The following ROBO2 variants were observed in gnomAD, a reference collection of about 807,000 sequenced individuals.
ROBO2 encodes roundabout homolog 2.
In ROBO2, 53 loss-of-function variants were observed where a neutral mutation model predicts 160.8. That is an observed-to-expected ratio of 0.33 (90% CI 0.26 to 0.41). The LOEUF (loss-of-function observed/expected upper bound fraction) is 0.41, where lower values mean the gene tolerates loss of function less well. ROBO2 is among the 10% of genes least tolerant of loss of function. The pLI is 1.00. For missense variants in ROBO2, 1,577 were observed against 1,722.4 expected, an observed-to-expected ratio of 0.92 and a Z score of 1.49; for synonymous variants, 664 against 611.7, an observed-to-expected ratio of 1.09 and a Z score of -1.26.
intron 2 of ROBO2, among the ~76,000 whole-genome samples, chr3:77,442,672 C>G (rs1191516717): frequency 6.6e-6 from 1 of 151,990 alleles, no homozygotes; most frequent in Non-Finnish European, 1.5e-5. Flanking sequence ...GTGCACTTAC[C>G]CCACATATGA....
At chr3:77,228,180 T>C (rs1485626359) in intron 2 of ROBO2, among the ~76,000 whole-genome samples, 1 of 152,132 alleles carries the variant, frequency 6.6e-6, no homozygotes, top group African/African-American at 2.4e-5. Flanking sequence ...TTTGTTTCTT[T>C]TTTTGAGACA....
At chr3:76,178,319 G>A (rs1239417439) in intron 2 of ROBO2, among the ~76,000 whole-genome samples, 1 of 151,984 alleles carries the variant, frequency 6.6e-6, no homozygotes, top group African/African-American at 2.4e-5. Flanking sequence ...AATGCTATAG[G>A]ATAGTGAATT....
At chr3:76,833,953 T>C (rs1487304378) in intron 2 of ROBO2, among the ~76,000 whole-genome samples, 1 of 151,774 alleles carries the variant, frequency 6.6e-6, no homozygotes, top group Admixed American at 6.6e-5. Context: ...TTTTTTCTTT[T>C]CTTCCTTCCT....
intron 2 of ROBO2, among the ~76,000 whole-genome samples, chr3:76,283,153 A>AT (rs1559717396): frequency 1.7e-4 from 2 of 12,078 alleles, no homozygotes; most frequent in African/African-American, 2.4e-4. Context: ...TATATATATA[A>AT]AACTACATAT....
At chr3:77,633,942 A>G (rs938267736) in intron 23 of ROBO2, 6 of 152,232 alleles carry the variant, frequency 3.9e-5, no homozygotes, top group Non-Finnish European at 8.8e-5. Flanking sequence ...CTAACACAGC[A>G]TTAAGTAATA....
chr3:76,666,408 A>G (rs910928138), intron 2 of ROBO2, among the ~76,000 whole-genome samples: 1 of 152,112 alleles, frequency 6.6e-6, no homozygotes, highest in Non-Finnish European at 1.5e-5. Flanking sequence ...ACTTATTTCA[A>G]GTATAACTTG....
At chr3:77,170,780 C>T (rs2079558785) in intron 2 of ROBO2, among the ~76,000 whole-genome samples, 1 of 151,920 alleles carries the variant, frequency 6.6e-6, no homozygotes, top group Admixed American at 6.6e-5. Context: ...ATATTAATGA[C>T]ATTAAAAATA....
At chr3:76,774,979 T>C (rs925128226) in intron 2 of ROBO2, among the ~76,000 whole-genome samples, 1 of 150,652 alleles carries the variant, frequency 6.6e-6, no homozygotes, top group African/African-American at 2.4e-5. Flanking sequence ...TTGGATTTGC[T>C]TTGGTCTAGC....
intron 2 of ROBO2, among the ~76,000 whole-genome samples, chr3:76,384,504 A>T (rs1398346792): frequency 6.6e-6 from 1 of 152,056 alleles, no homozygotes; most frequent in African/African-American, 2.4e-5. Context: ...AAAAATCAAA[A>T]CCGAAATTTT....
intron 2 of ROBO2, among the ~76,000 whole-genome samples, chr3:77,125,004 A>T (rs1376246710): frequency 6.6e-6 from 1 of 151,874 alleles, no homozygotes; most frequent in Non-Finnish European, 1.5e-5. Flanking sequence ...CTCTAATATG[A>T]TATGATTATA....
intron 2 of ROBO2, among the ~76,000 whole-genome samples, chr3:77,009,746 G>T (rs1249861854): frequency 6.6e-6 from 1 of 151,890 alleles, no homozygotes; most frequent in Non-Finnish European, 1.5e-5. Context: ...AGGAGTTCAG[G>T]ACAAGCTTGG....
At chr3:77,102,000 A>G (rs1314230645) in intron 2 of ROBO2, among the ~76,000 whole-genome samples, 1 of 152,204 alleles carries the variant, frequency 6.6e-6, no homozygotes. Flanking sequence ...GGATGGTGCC[A>G]ATGCACTCCA....
At chr3:77,126,782 CTTTTTTTTTT>C (rs11365042) in intron 2 of ROBO2, among the ~76,000 whole-genome samples, 5 of 62,636 alleles carry the variant, frequency 8.0e-5, no homozygotes, top group East Asian at 4.8e-4. Flanking sequence ...TTTGAAACTT[CTTTTTTTTTT>C]TTTTTTTTTT....
At chr3:77,325,254 T>C in intron 2 of ROBO2, among the ~76,000 whole-genome samples, 1 of 152,226 alleles carries the variant, frequency 6.6e-6, no homozygotes, top group East Asian at 1.9e-4. Flanking sequence ...ACCTGTTTAC[T>C]AGAGGGAGAA....
At chr3:76,202,080 C>A (rs1295957965) in intron 2 of ROBO2, among the ~76,000 whole-genome samples, 1 of 152,084 alleles carries the variant, frequency 6.6e-6, no homozygotes, top group East Asian at 1.9e-4. Context: ...GTGCATAGCA[C>A]AGCTCATCTC....
intron 2 of ROBO2, among the ~76,000 whole-genome samples, chr3:76,817,702 A>G (rs1559552279): frequency 6.6e-6 from 1 of 151,802 alleles, no homozygotes; most frequent in Non-Finnish European, 1.5e-5. Flanking sequence ...ATGCCTTTGC[A>G]TCCTCACAGC....
At chr3:76,060,811 GA>G (rs1202231299) in intron 2 of ROBO2, among the ~76,000 whole-genome samples, 1 of 152,112 alleles carries the variant, frequency 6.6e-6, no homozygotes, top group Non-Finnish European at 1.5e-5. Context: ...TCTTAACTTG[GA>G]AAACTGATTT....
Position 75,948,012 on chromosome 3 carries a change from A to C in ROBO2, c.109+10410A>C, listed in dbSNP as rs1849434. On this transcript the variant is annotated intron_variant, in intron 2 of 26. Transcript: ENST00000487694. ...TGGGAAAAAATCTGGCTGTATGTGC[A>C]TCTAGGATGTAAGGAAGCCAACACG... Among the ~76,000 whole-genome samples, 398 of 152,056 alleles carry C rather than the reference A, an allele frequency of 2.6e-3. 2 individuals are homozygous for C. The highest frequency in any genetic ancestry group is 9.0e-3 in the African/African-American group (375 of 41,490).
At chr3:77,612,139 G>T (rs1243759916) in intron 21 of ROBO2, among the ~76,000 whole-genome samples, 1 of 152,164 alleles carries the variant, frequency 6.6e-6, no homozygotes, top group Non-Finnish European at 1.5e-5. Flanking sequence ...ATAAGTCAAA[G>T]AACAAAACCT....
Sources: gnomAD v4.1 joint callset for allele counts (sites outside exome capture counted in the v4.1 genomes callset) on GRCh38, gnomAD v4.1.1 for gene constraint, MANE v1.5 for transcripts, NCBI Gene and HGNC (gene_info 2026-07-23, HGNC 2026-07-21) for gene names.